The following SUPT20H variants were observed in gnomAD, a reference collection of about 807,000 sequenced individuals.
SUPT20H encodes transcription factor SPT20 homolog.
A neutral mutation model predicts 122.8 loss-of-function variants in SUPT20H; 82 were observed. That is an observed-to-expected ratio of 0.67 (90% CI 0.56 to 0.80). The LOEUF (loss-of-function observed/expected upper bound fraction) is 0.80, where lower values mean the gene tolerates loss of function less well. Ranked by LOEUF, SUPT20H falls within the 30% of genes least tolerant of loss-of-function variation. SUPT20H has a pLI of 0.00. For synonymous variants in SUPT20H, 291 were observed against 313.0 expected, an observed-to-expected ratio of 0.93 and a Z score of 0.74; for missense variants, 831 against 921.6, an observed-to-expected ratio of 0.90 and a Z score of 1.27.
chr13:37,058,207 G>C (rs1451883008), intron 1 of SUPT20H, among the ~76,000 whole-genome samples: 1 of 152,158 alleles, frequency 6.6e-6, no homozygotes, highest in Non-Finnish European at 1.5e-5. Context: ...AGAGGTTGCA[G>C]TGAGCCAGGA....
chr13:37,010,880 T>TTATGTA, intron 24 of SUPT20H: 1 of 418,128 alleles, frequency 2.4e-6, no homozygotes, highest in Non-Finnish European at 4.4e-6. Flanking sequence ...AGGGAGTGCA[T>TTATGTA]TATGTATCAA....
At chr13:37,046,711 T>A (rs1372104946) in intron 5 of SUPT20H, among the ~76,000 whole-genome samples, 1 of 152,162 alleles carries the variant, frequency 6.6e-6, no homozygotes, top group African/African-American at 2.4e-5. Context: ...TAGTGATGGT[T>A]TCATGAGGTG....
At chr13:37,025,251 G>C (rs1305972309) in intron 17 of SUPT20H, 69 bp downstream of exon 17, 1 of 1,349,112 alleles carries the variant, frequency 7.4e-7, no homozygotes, top group East Asian at 2.3e-5. Context: ...CTCCAAAAAT[G>C]ATTCTTAACA....
intron 14 of SUPT20H, among the ~76,000 whole-genome samples, chr13:37,027,186 C>T (rs544894828): frequency 6.6e-6 from 1 of 152,020 alleles, no homozygotes; most frequent in African/African-American, 2.4e-5. Context: ...CACACCTTAG[C>T]ATCATAAATA....
At chr13:37,053,219 G>A (rs998583208) in intron 1 of SUPT20H, among the ~76,000 whole-genome samples, 2 of 152,028 alleles carry the variant, frequency 1.3e-5, no homozygotes, top group Non-Finnish European at 2.9e-5. Flanking sequence ...ACATACACAC[G>A]TAACGTATGT....
intron 9 of SUPT20H, among the ~76,000 whole-genome samples, chr13:37,035,466 T>C (rs914809339): frequency 1.3e-5 from 2 of 151,170 alleles, no homozygotes; most frequent in African/African-American, 4.9e-5. Context: ...TGAACCACTA[T>C]AATCTCATGA....
chr13:37,037,959 A>C (rs2064794213), intron 9 of SUPT20H: 1 of 151,762 alleles, frequency 6.6e-6, no homozygotes, highest in Admixed American at 6.6e-5. Context: ...TCATTGTGTC[A>C]CTTAAGAGTT....
rs2061387731 is a variant in SUPT20H at position 37,020,989 on chromosome 13, T to C, written c.1816+459A>G. ...TTTATTGCTATTCCCATTTTATTTA[T>C]GAGGAAAATTAAACACAAAGGTAAC... On this transcript the variant is annotated intron_variant, in intron 21 of 25. Coordinates refer to ENST00000350612, the MANE Select transcript of SUPT20H (RefSeq NM_001014286.3). Among the ~76,000 whole-genome samples, 10 of 150,730 alleles carry C rather than the reference T, an allele frequency of 6.6e-5. No homozygotes were observed. In the South Asian group the frequency reaches 2.1e-3, roughly 32 times the overall value.
At chr13:37,031,540 A>G in intron 12 of SUPT20H, 27 bp downstream of exon 12, 3 of 1,470,054 alleles carry the variant, frequency 2.0e-6, no homozygotes, top group Non-Finnish European at 2.7e-6. Context: ...CTTTATATGA[A>G]AAAAAGTAAT....
At chr13:37,053,658 TCAC>T (rs1380203852) in intron 1 of SUPT20H, among the ~76,000 whole-genome samples, 5 of 151,582 alleles carry the variant, frequency 3.3e-5, no homozygotes, top group South Asian at 2.1e-4. Flanking sequence ...ACCTGTACAT[TCAC>T]CACATGTATT....
intron 14 of SUPT20H, among the ~76,000 whole-genome samples, chr13:37,027,200 C>G (rs2062444759): frequency 6.6e-6 from 1 of 151,308 alleles, no homozygotes; most frequent in Non-Finnish European, 1.5e-5. Flanking sequence ...ATAAATATAC[C>G]CCTGTAACAA....
intron 9 of SUPT20H, among the ~76,000 whole-genome samples, chr13:37,035,826 T>G (rs1446863592): frequency 1.3e-5 from 2 of 152,164 alleles, no homozygotes; most frequent in Non-Finnish European, 2.9e-5. Context: ...CCATGGCACC[T>G]GGCAAAAGTG....
intron 22 of SUPT20H, among the ~76,000 whole-genome samples, chr13:37,017,674 C>T (rs2060753926): frequency 6.6e-6 from 1 of 152,108 alleles, no homozygotes; most frequent in African/African-American, 2.4e-5. Flanking sequence ...TACATCAATA[C>T]AAAAGAGCAC....
chr13:37,051,195 A>C (rs1033686977), intron 2 of SUPT20H, among the ~76,000 whole-genome samples: 2 of 152,214 alleles, frequency 1.3e-5, no homozygotes, highest in African/African-American at 4.8e-5. Flanking sequence ...ATTTATACCC[A>C]TCCTCCTTGC....
Position 37,012,298 on chromosome 13 carries a change from C to A in SUPT20H, c.1993-1G>T. On this transcript the variant is annotated splice_acceptor_variant, in intron 23 of 25. Transcript: ENST00000350612. LOFTEE classifies it high-confidence loss of function. ...GACTGGTTGAACCTTGCTCAGAACC[C>A]TGAATAAAAAAATAATAAATGACTT... is the stretch of plus-strand genomic sequence containing the variant. 1.2e-6 allele frequency: 2 copies of A among 1,603,662 alleles called. No individual in the cohort carries two copies. Among genetic ancestry groups the A allele is most frequent in the Non-Finnish European group, 1.7e-6 (2 of 1,174,878 alleles).
chr13:37,058,751 T>C (rs1218689181), intron 1 of SUPT20H, among the ~76,000 whole-genome samples: 1 of 152,126 alleles, frequency 6.6e-6, no homozygotes, highest in Non-Finnish European at 1.5e-5. Flanking sequence ...CTTCCAATAT[T>C]ACAACCTGCA....
chr13:37,055,171 T>A (rs938940365), intron 1 of SUPT20H, among the ~76,000 whole-genome samples: 1 of 152,232 alleles, frequency 6.6e-6, no homozygotes, highest in Non-Finnish European at 1.5e-5. Context: ...AGAATCAATA[T>A]CGTGAAAATC....
chr13:37,022,991 CAA>C lies in SUPT20H; in HGVS notation c.1592-913_1592-912del. ...AAAAACAAAAACAAAAAACAAAAACCAAAAAAGTAAAACCAAAAGCTCTTGAG... is the reference window on the plus strand; with the variant it reads ...AAAAACAAAAACAAAAAACAAAAACCAAAAGTAAAACCAAAAGCTCTTGAG... On this transcript the variant is annotated intron_variant, in intron 19 of 25. Coordinates refer to ENST00000350612, the MANE Select transcript of SUPT20H (RefSeq NM_001014286.3). The surrounding 1 kb of genome is among the most constrained non-coding windows in gnomAD (Gnocchi z 4.5). The C allele has an allele frequency of 7.9e-7, 1 of 1,260,680 alleles. No homozygotes were observed. The highest frequency in any genetic ancestry group is 1.0e-6 in the Non-Finnish European group (1 of 977,808). The allele number at this position is 1,260,680 out of a possible 1,614,324, so 78.1% of individuals were successfully genotyped here.
chr13:37,010,827 G>A (rs2059478349), intron 24 of SUPT20H, 172 bp from the exon 25 acceptor site: 2 of 528,030 alleles, frequency 3.8e-6, no homozygotes, highest in East Asian at 3.0e-5. Flanking sequence ...CCTGTTAGTT[G>A]GGGGTACCAC....
Sources: allele counts gnomAD v4.1 joint callset (sites outside exome capture counted in the v4.1 genomes callset), GRCh38; gene constraint gnomAD v4.1.1; non-coding constraint Gnocchi (gnomAD v3.1); transcripts MANE v1.5; gene names NCBI Gene and HGNC (gene_info 2026-07-23, HGNC 2026-07-21).